The following UBE2D2 variants were observed in gnomAD, a reference collection of about 807,000 sequenced individuals.
UBE2D2 encodes the protein ubiquitin conjugating enzyme E2 D2.
UBE2D2 carries 2 observed loss-of-function variants against 24.2 expected under a neutral mutation model. The ratio of observed to expected loss-of-function variants is 0.08; its 90% CI spans 0.03 to 0.26. UBE2D2 has a LOEUF of 0.26. UBE2D2 is among the 10% of genes least tolerant of loss of function. The pLI is 1.00. For synonymous variants in UBE2D2, 58 were observed against 56.5 expected (o/e 1.03, Z -0.12); for missense variants, 44 against 177.6 (o/e 0.25, Z 4.28).
intron 1 of UBE2D2, among the ~76,000 whole-genome samples, chr5:139,553,922 G>C (rs1049678123): frequency 6.6e-6 from 1 of 152,080 alleles, no homozygotes; most frequent in Non-Finnish European, 1.5e-5. Context: ...TGGGACTACA[G>C]GTGCCCGCCA....
chr5:139,562,235 C>T (rs758633629), intron 1 of UBE2D2: 3 of 1,367,384 alleles, frequency 2.2e-6, no homozygotes, highest in Admixed American at 3.8e-5. Flanking sequence ...CCTCCCACAC[C>T]TGCCCTAGCT....
rs1177908497 is a variant in UBE2D2 at position 139,561,550 on chromosome 5, T to C, written c.-242T>C. On this transcript the variant is annotated 5_prime_UTR_variant, in exon 1 of 7. Coordinates refer to ENST00000398733, the MANE Select transcript of UBE2D2 (RefSeq NM_003339.3). ...GAGGCAGCTACGGCGGCGGCGGCGG[T>C]GGCGGCTAGGGCGGCGGCGAATAAA... The C allele has an allele frequency of 2.6e-5, 11 of 416,060 alleles. No homozygotes were observed. The highest frequency in any genetic ancestry group is 2.5e-5 in the Non-Finnish European group (6 of 236,706). 25.8% of individuals were successfully genotyped at this position (416,060 alleles called of 1,614,324 possible).
intron 1 of UBE2D2, among the ~76,000 whole-genome samples, chr5:139,549,707 C>T (rs985726987): frequency 1.8e-4 from 27 of 152,360 alleles, no homozygotes; most frequent in East Asian, 7.7e-4. Context: ...TCCCATCGAC[C>T]GCCCAAGGGC....
intron 1 of UBE2D2, among the ~76,000 whole-genome samples, chr5:139,552,925 A>G (rs1489320080): frequency 1.3e-5 from 2 of 151,728 alleles, no homozygotes; most frequent in African/African-American, 4.8e-5. Flanking sequence ...CAGGTGATCC[A>G]CCTGCCTTGG....
intron 1 of UBE2D2, among the ~76,000 whole-genome samples, chr5:139,596,638 C>T (rs1241060512): frequency 6.6e-6 from 1 of 151,994 alleles, no homozygotes; most frequent in Non-Finnish European, 1.5e-5. Context: ...CTGTGGCTCA[C>T]ACCTGTAATT....
At chr5:139,588,284 CAG>C (rs1561512427) in intron 1 of UBE2D2, among the ~76,000 whole-genome samples, 2 of 150,622 alleles carry the variant, frequency 1.3e-5, no homozygotes, top group African/African-American at 2.5e-5. Context: ...TGTTTTGAGA[CAG>C]AGGGAGTTTT....
intron 2 of UBE2D2, among the ~76,000 whole-genome samples, chr5:139,605,452 C>T (rs1286595459): frequency 6.6e-6 from 1 of 151,578 alleles, no homozygotes; most frequent in African/African-American, 2.4e-5. Flanking sequence ...ATTAGCCGGG[C>T]TTGGTGGCAG....
chr5:139,568,746 G>A (rs1035378964), intron 1 of UBE2D2, among the ~76,000 whole-genome samples: 7 of 152,190 alleles, frequency 4.6e-5, no homozygotes, highest in Non-Finnish European at 7.3e-5. Flanking sequence ...GCCGAGGTGA[G>A]TGGATCACGA....
intron 1 of UBE2D2, among the ~76,000 whole-genome samples, chr5:139,578,783 G>C (rs773744798): frequency 2.0e-5 from 3 of 152,042 alleles, no homozygotes; most frequent in Non-Finnish European, 4.4e-5. Flanking sequence ...TGATCCCATG[G>C]CTGCAGTATC....
intron 1 of UBE2D2, among the ~76,000 whole-genome samples, chr5:139,583,054 A>G (rs565806195): frequency 2.7e-5 from 4 of 147,386 alleles, no homozygotes; most frequent in African/African-American, 7.6e-5. Flanking sequence ...GGCTCACTCC[A>G]TCTTCCGCCT....
At chr5:139,618,935 T>A (rs1754465178) in intron 5 of UBE2D2, among the ~76,000 whole-genome samples, 1 of 152,162 alleles carries the variant, frequency 6.6e-6, no homozygotes, top group Non-Finnish European at 1.5e-5. Flanking sequence ...AGGACAGAAA[T>A]TTTGACCCAG....
chr5:139,555,477 C>T (rs1386717022), intron 1 of UBE2D2, among the ~76,000 whole-genome samples: 1 of 151,782 alleles, frequency 6.6e-6, no homozygotes, highest in African/African-American at 2.4e-5. Context: ...AGAATAAATT[C>T]CAAGGAAAAT....
chr5:139,558,478 C>T (rs940870653), upstream of UBE2D2, among the ~76,000 whole-genome samples: 4 of 152,022 alleles, frequency 2.6e-5, no homozygotes, highest in African/African-American at 9.7e-5. Context: ...TTGGTAGAGA[C>T]GGGGTTTCAC....
At chr5:139,567,359 A>C (rs1024207524) in intron 1 of UBE2D2, among the ~76,000 whole-genome samples, 1 of 151,206 alleles carries the variant, frequency 6.6e-6, no homozygotes, top group Non-Finnish European at 1.5e-5. Context: ...CGGCCTCCCA[A>C]AGTGCTGGGA....
At chr5:139,605,921 A>G (rs1442079163) in intron 2 of UBE2D2, among the ~76,000 whole-genome samples, 1 of 151,612 alleles carries the variant, frequency 6.6e-6, no homozygotes, top group Non-Finnish European at 1.5e-5. Flanking sequence ...AAAAAAAAAA[A>G]TTGTAGCAAT....
intron 1 of UBE2D2, among the ~76,000 whole-genome samples, chr5:139,585,470 C>T (rs1360808381): frequency 6.6e-6 from 1 of 151,966 alleles, no homozygotes; most frequent in African/African-American, 2.4e-5. Flanking sequence ...TGAAGCAGTC[C>T]TCCAGCCTCA....
intron 1 of UBE2D2, among the ~76,000 whole-genome samples, chr5:139,538,633 G>C (rs1445266327): frequency 1.3e-5 from 2 of 152,066 alleles, no homozygotes; most frequent in Non-Finnish European, 2.9e-5. Context: ...CACTTTGGGA[G>C]GCCGAGGCGG....
chr5:139,585,307 G>A lies in UBE2D2; in HGVS notation c.25-15065G>A, dbSNP rs370659106. 2.8e-4 allele frequency among the ~76,000 whole-genome samples: 43 copies of A among 151,700 alleles called. No homozygotes were observed. In the Middle Eastern group the frequency reaches 0.01, roughly 36 times the overall value. ...AGCTCACTGCAGCCCCAAACTTCTGGGCTCAAGTAATCTTACTGCCTCAGC... is the reference window on the plus strand; with the variant it reads ...AGCTCACTGCAGCCCCAAACTTCTGAGCTCAAGTAATCTTACTGCCTCAGC... On this transcript the variant is annotated intron_variant, in intron 1 of 6. Coordinates refer to ENST00000398733, the MANE Select transcript of UBE2D2 (RefSeq NM_003339.3).
intron 1 of UBE2D2, among the ~76,000 whole-genome samples, chr5:139,565,975 A>T (rs1753207233): frequency 6.6e-6 from 1 of 152,166 alleles, no homozygotes; most frequent in Non-Finnish European, 1.5e-5. Flanking sequence ...CTTTCAAACA[A>T]AGTAATGCCA....
Sources: allele counts gnomAD v4.1 joint callset (sites outside exome capture counted in the v4.1 genomes callset), GRCh38; gene constraint gnomAD v4.1.1; transcripts MANE v1.5; gene names NCBI Gene and HGNC (gene_info 2026-07-23, HGNC 2026-07-21).